Variants in ADORA2B observed in about 807,000 individuals in gnomAD.
The protein encoded by ADORA2B is adenosine A2b receptor.
A neutral mutation model predicts 20.8 loss-of-function variants in ADORA2B; 18 were observed. The ratio of observed to expected loss-of-function variants is 0.87; its 90% confidence interval spans 0.60 to 1.29. The LOEUF (loss-of-function observed/expected upper bound fraction) is 1.29, where lower values mean the gene tolerates loss of function less well. Ranked by LOEUF, ADORA2B falls within the 50% of genes most tolerant of loss-of-function variation. ADORA2B has a pLI of 0.00. For synonymous variants in ADORA2B, 179 were observed against 178.3 expected, an observed-to-expected ratio of 1.00 and a Z score of -0.03; for missense variants, 441 against 422.7, an observed-to-expected ratio of 1.04 and a Z score of -0.38.
the ADORA2B span, among the ~76,000 whole-genome samples, chr17:15,911,363 A>C: frequency 3.4e-4 from 52 of 152,330 alleles, no homozygotes; most frequent in African/African-American, 1.1e-3. Flanking sequence ...TGTTGGGTTT[A>C]AGCTGAAATT....
the ADORA2B span, among the ~76,000 whole-genome samples, chr17:15,904,525 C>T: frequency 1.3e-5 from 2 of 151,490 alleles, no homozygotes; most frequent in Non-Finnish European, 2.9e-5. Flanking sequence ...GTAACTGGGA[C>T]TACAGGCACC....
At chr17:15,917,502 G>T in the ADORA2B span, among the ~76,000 whole-genome samples, 69 of 152,344 alleles carry the variant, frequency 4.5e-4, no homozygotes, top group African/African-American at 1.3e-3. Context: ...CATGTGGACG[G>T]TGCAGGCTGG....
At chr17:15,952,633 A>G (rs892921650) in intron 1 of ADORA2B, among the ~76,000 whole-genome samples, 1 of 152,200 alleles carries the variant, frequency 6.6e-6, no homozygotes, top group Non-Finnish European at 1.5e-5. Flanking sequence ...TCCTTTAATT[A>G]TTACCTGGAC....
chr17:15,865,826 G>A, the ADORA2B span, among the ~76,000 whole-genome samples: 9 of 143,206 alleles, frequency 6.3e-5, no homozygotes, highest in Non-Finnish European at 1.4e-4. Context: ...AATTTTGCAT[G>A]TATCTTTTTT....
the ADORA2B span, among the ~76,000 whole-genome samples, chr17:15,900,527 G>T: frequency 3.3e-5 from 5 of 151,942 alleles, no homozygotes; most frequent in African/African-American, 1.2e-4. Flanking sequence ...AGGTCATGCA[G>T]CTTTGAACTC....
intron 1 of ADORA2B, among the ~76,000 whole-genome samples, chr17:15,955,467 G>A (rs1409396077): frequency 7.5e-6 from 1 of 133,510 alleles, no homozygotes; most frequent in Non-Finnish European, 1.5e-5. Flanking sequence ...GGCACGATCT[G>A]GGCTCACTGG....
chr17:15,868,789 A>C, the ADORA2B span, among the ~76,000 whole-genome samples: 26 of 150,002 alleles, frequency 1.7e-4, no homozygotes, highest in East Asian at 2.3e-3. Context: ...CCAAAAAAAA[A>C]ATACAAAAAA....
At chr17:15,947,839 C>T (rs1049506198) in intron 1 of ADORA2B, among the ~76,000 whole-genome samples, 3 of 152,164 alleles carry the variant, frequency 2.0e-5, no homozygotes, top group Non-Finnish European at 4.4e-5. Flanking sequence ...GAGTGGGTGT[C>T]GAGGGGATTC....
chr17:15,944,557 G>A (rs1487496640), upstream of ADORA2B, among the ~76,000 whole-genome samples: 2 of 152,126 alleles, frequency 1.3e-5, no homozygotes, highest in Admixed American at 1.3e-4. The surrounding 1 kb of genome is among the most constrained non-coding windows in gnomAD (Gnocchi z 4.8). Context: ...AGCCTCGCTG[G>A]GAGGCGGCCG....
chr17:15,901,650 AG>A, the ADORA2B span, among the ~76,000 whole-genome samples: 1 of 152,162 alleles, frequency 6.6e-6, no homozygotes, highest in South Asian at 2.1e-4. Context: ...CACAGCTCCT[AG>A]GCAAGAGGCA....
chr17:15,892,691 A>G, the ADORA2B span, among the ~76,000 whole-genome samples: 2 of 149,198 alleles, frequency 1.3e-5, no homozygotes, highest in Non-Finnish European at 3.0e-5. Context: ...TAGTGTACAC[A>G]GAGTCAATTC....
the ADORA2B span, among the ~76,000 whole-genome samples, chr17:15,891,148 C>T: frequency 2.0e-5 from 3 of 152,134 alleles, no homozygotes; most frequent in Non-Finnish European, 2.9e-5. Flanking sequence ...TGCCTGTAGT[C>T]CCAGCTACTC....
chr17:15,921,719 AAG>A, the ADORA2B span, among the ~76,000 whole-genome samples: 3 of 152,206 alleles, frequency 2.0e-5, no homozygotes, highest in Non-Finnish European at 4.4e-5. Context: ...TCATTAAAAA[AAG>A]AAGTCCAGAG....
At chr17:15,943,666 A>G (rs1969764630), upstream of ADORA2B, among the ~76,000 whole-genome samples, 1 of 152,228 alleles carries the variant, frequency 6.6e-6, no homozygotes, top group Admixed American at 6.5e-5. Flanking sequence ...TATGTGCCAC[A>G]CAATGCATGC....
the ADORA2B span, among the ~76,000 whole-genome samples, chr17:15,889,326 C>T: frequency 1.5e-5 from 2 of 129,632 alleles, no homozygotes; most frequent in African/African-American, 3.3e-5. Context: ...TCTGGCATAT[C>T]GAAATCTTTT....
chr17:15,950,942 C>T (rs1019789436), intron 1 of ADORA2B, among the ~76,000 whole-genome samples: 5 of 152,270 alleles, frequency 3.3e-5, no homozygotes, highest in Admixed American at 2.6e-4. Context: ...AGTCTCTCTG[C>T]GCCCAGTGTG....
chr17:15,963,939 T>G (rs1970069140), intron 1 of ADORA2B, among the ~76,000 whole-genome samples: 1 of 152,210 alleles, frequency 6.6e-6, no homozygotes, highest in Non-Finnish European at 1.5e-5. Context: ...AATTCAGACA[T>G]GTCTGAACTT....
the ADORA2B span, among the ~76,000 whole-genome samples, chr17:15,872,711 T>A: frequency 6.6e-6 from 1 of 152,194 alleles, no homozygotes; most frequent in Non-Finnish European, 1.5e-5. Flanking sequence ...GCTTCGTCGT[T>A]GTTGGTGTAT....
At chr17:15,971,502 C>T (rs1273637050) in intron 1 of ADORA2B, among the ~76,000 whole-genome samples, 1 of 152,226 alleles carries the variant, frequency 6.6e-6, no homozygotes, top group Non-Finnish European at 1.5e-5. Flanking sequence ...CAGCTAACTT[C>T]CTCAGCAAAC....
Sources: gnomAD v4.1 joint callset for allele counts (sites outside exome capture counted in the v4.1 genomes callset) on GRCh38, gnomAD v4.1.1 for gene constraint, Gnocchi (gnomAD v3.1) non-coding constraint, MANE v1.5 for transcripts, NCBI Gene and HGNC (gene_info 2026-07-23, HGNC 2026-07-21) for gene names.